ADARB2: variants seen among roughly 807,000 people sequenced by gnomAD.
ADARB2 encodes inactive double-stranded RNA-specific editase B2.
ADARB2 carries 25 observed loss-of-function variants against 62.2 expected under a neutral mutation model. The observed-to-expected ratio is 0.40, with a 90% CI of 0.29 to 0.56. The LOEUF is 0.56. ADARB2 is among the 20% of genes least tolerant of loss of function. The probability of loss-of-function intolerance (pLI) is 0.43; values close to 1 mark genes in which losing one functional copy is unlikely to be tolerated. For missense variants in ADARB2, 1,071 were observed against 1,077.4 expected (o/e 0.99, Z 0.08); for synonymous variants, 572 against 500.8 (o/e 1.14, Z -1.90).
At chr10:1,335,325 TGAA>T (rs1387753943) in intron 3 of ADARB2, among the ~76,000 whole-genome samples, 1 of 136,010 alleles carries the variant, frequency 7.4e-6, no homozygotes, top group Non-Finnish European at 1.6e-5. Flanking sequence ...GAGGGAGGGA[TGAA>T]GGGAGAGATG....
At chr10:1,547,289 G>A (rs1357335969) in intron 1 of ADARB2, among the ~76,000 whole-genome samples, 2 of 134,280 alleles carry the variant, frequency 1.5e-5, no homozygotes, top group Admixed American at 7.6e-5. Flanking sequence ...GGGGAGAGAG[G>A]CTGTGCAAAT....
At chr10:1,241,916 G>A (rs989430180) in intron 5 of ADARB2, among the ~76,000 whole-genome samples, 1 of 152,232 alleles carries the variant, frequency 6.6e-6, no homozygotes, top group Non-Finnish European at 1.5e-5. Flanking sequence ...GAGTAAGGAG[G>A]AAGCCTGGAA....
intron 6 of ADARB2, among the ~76,000 whole-genome samples, chr10:1,229,749 C>T (rs554352552): frequency 0.059 from 1,387 of 23,498 alleles, 16 homozygotes; most frequent in Middle Eastern, 0.16. Flanking sequence ...TGTATGTGCA[C>T]GTGATTACAT....
At chr10:1,354,447 C>T (rs777040068) in intron 3 of ADARB2, among the ~76,000 whole-genome samples, 4 of 152,004 alleles carry the variant, frequency 2.6e-5, no homozygotes, top group Admixed American at 6.6e-5. Flanking sequence ...TATAAAACGG[C>T]CCCACCCCCA....
intron 1 of ADARB2, among the ~76,000 whole-genome samples, chr10:1,629,916 T>G (rs1833821398): frequency 6.6e-6 from 1 of 151,730 alleles, no homozygotes; most frequent in Non-Finnish European, 1.5e-5. Context: ...GAAGGGAGCG[T>G]GAGGAGGGAG....
At chr10:1,595,254 T>C (rs1040718503) in intron 1 of ADARB2, among the ~76,000 whole-genome samples, 4 of 152,166 alleles carry the variant, frequency 2.6e-5, no homozygotes, top group African/African-American at 7.2e-5. Context: ...CAGATGATGA[T>C]TAAATTCAAG....
chr10:1,528,582 G>A (rs925974890), intron 1 of ADARB2, among the ~76,000 whole-genome samples: 1 of 152,214 alleles, frequency 6.6e-6, no homozygotes, highest in African/African-American at 2.4e-5. Flanking sequence ...CATCCCAGCA[G>A]CGCCCGGTGT....
intron 6 of ADARB2, among the ~76,000 whole-genome samples, chr10:1,229,476 A>G (rs1441509507): frequency 2.6e-5 from 4 of 152,162 alleles, no homozygotes; most frequent in Non-Finnish European, 5.9e-5. Context: ...GGGCCTTTAC[A>G]TGATACTTAC....
intron 3 of ADARB2, among the ~76,000 whole-genome samples, chr10:1,355,013 C>T (rs925438551): frequency 3.3e-5 from 5 of 152,226 alleles, no homozygotes; most frequent in Admixed American, 6.5e-5. Context: ...CTCCAGCTTG[C>T]ACCTCCCTGA....
intron 1 of ADARB2, among the ~76,000 whole-genome samples, chr10:1,514,067 A>C (rs1831973800): frequency 6.6e-6 from 1 of 150,874 alleles, no homozygotes; most frequent in African/African-American, 2.4e-5. Flanking sequence ...TACTAAAAAC[A>C]AACAAAAAAT....
intron 3 of ADARB2, among the ~76,000 whole-genome samples, chr10:1,311,659 G>T (rs995814316): frequency 6.6e-6 from 1 of 152,132 alleles, no homozygotes; most frequent in Admixed American, 6.5e-5. Context: ...AGCCTGCAAA[G>T]CTCCTCAACC....
At chr10:1,190,098 T>A (rs936497874) in intron 8 of ADARB2, among the ~76,000 whole-genome samples, 127 of 152,086 alleles carry the variant, frequency 8.4e-4, no homozygotes, top group Admixed American at 8.2e-3. Flanking sequence ...CCAGCTGAGC[T>A]CCAAGGAGAA....
chr10:1,315,395 GGC>G (rs1222030928), intron 3 of ADARB2, among the ~76,000 whole-genome samples: 12 of 152,242 alleles, frequency 7.9e-5, no homozygotes, highest in Non-Finnish European at 1.8e-4. Flanking sequence ...TCCTGAGCGT[GGC>G]GTTTGGCATG....
intron 1 of ADARB2, among the ~76,000 whole-genome samples, chr10:1,655,039 C>A (rs1274358451): frequency 6.6e-6 from 1 of 152,204 alleles, no homozygotes; most frequent in Non-Finnish European, 1.5e-5. Flanking sequence ...AATCTCACTT[C>A]CCCTGCAGAC....
At chr10:1,544,590 GC>G (rs1387755266) in intron 1 of ADARB2, among the ~76,000 whole-genome samples, 3 of 152,166 alleles carry the variant, frequency 2.0e-5, no homozygotes, top group Admixed American at 2.0e-4. Flanking sequence ...GGAGGATAAT[GC>G]CGGGGCCTGG....
chr10:1,340,337 G>A (rs75891313), intron 3 of ADARB2, among the ~76,000 whole-genome samples: 73 of 36,554 alleles, frequency 2.0e-3, no homozygotes, highest in South Asian at 5.0e-3. Context: ...AGAGAACCAC[G>A]CGCCCCACAG....
chr10:1,266,504 T>TG (rs1305223174), intron 4 of ADARB2, among the ~76,000 whole-genome samples: 6 of 19,816 alleles, frequency 3.0e-4, no homozygotes, highest in African/African-American at 5.7e-4. Flanking sequence ...GGCGCTGTGG[T>TG]GGGGGGTGGG....
At chr10:1,316,629 T>G (rs1342334243) in intron 3 of ADARB2, among the ~76,000 whole-genome samples, 1 of 152,158 alleles carries the variant, frequency 6.6e-6, no homozygotes, top group Non-Finnish European at 1.5e-5. Context: ...ACTTATTAGA[T>G]CACAAAACAG....
At chr10:1,616,221 G>A (rs545474184) in intron 1 of ADARB2, among the ~76,000 whole-genome samples, 5 of 152,292 alleles carry the variant, frequency 3.3e-5, no homozygotes, top group Admixed American at 1.3e-4. Flanking sequence ...GGTCCCAGTG[G>A]GAGTGTAACT....
Sources: allele counts gnomAD v4.1 joint callset (sites outside exome capture counted in the v4.1 genomes callset), GRCh38; gene constraint gnomAD v4.1.1; transcripts MANE v1.5; gene names NCBI Gene and HGNC (gene_info 2026-07-23, HGNC 2026-07-21).